Variants in LRRIQ1 observed in about 807,000 individuals in gnomAD.
LRRIQ1 encodes leucine-rich repeat- and IQ domain-containing protein 1.
LRRIQ1 carries 210 observed loss-of-function variants against 211.9 expected under a neutral mutation model. The ratio of observed to expected loss-of-function variants is 0.99; its 90% CI spans 0.89 to 1.11. The LOEUF (loss-of-function observed/expected upper bound fraction) is 1.11. Ranked by LOEUF, LRRIQ1 falls within the 50% of genes most tolerant of loss-of-function variation. LRRIQ1 has a pLI of 0.00. For synonymous variants in LRRIQ1, 699 were observed against 650.1 expected (o/e 1.08, Z -1.14); for missense variants, 2,136 against 1,939.5 (o/e 1.10, Z -1.90).
At position 85,098,537 on chromosome 12, in the gene LRRIQ1, T is replaced by A; in HGVS notation, c.3070T>A (p.Tyr1024Asn). 3 of 1,607,304 alleles carry A rather than the reference T, an allele frequency of 1.9e-6. No homozygotes were observed. Among genetic ancestry groups the A allele is most frequent in the Non-Finnish European group, 8.5e-7 (1 of 1,176,974 alleles). ...LLQILKLQGN[Y>N]LSELPSLENL... ...CCAAATATTGAAGTTACAGGGAAAT[T>A]ATCTGAGTGAGGTAATTGCTTTGAA... Residue 1024 changes from tyrosine to asparagine, a missense_variant, in exon 12 of 27, where the codon TAT (tyrosine) becomes AAT (asparagine). Coordinates refer to ENST00000393217, the MANE Select transcript of LRRIQ1 (RefSeq NM_001079910.2).
intron 26 of LRRIQ1, chr12:85,233,074 A>C (rs1418871728): frequency 4.1e-6 from 1 of 244,384 alleles, no homozygotes; most frequent in Non-Finnish European, 7.8e-6. Flanking sequence ...TAGAATTTGT[A>C]GGCTATAACT....
chr12:85,269,860 T>C, the LRRIQ1 span, among the ~76,000 whole-genome samples: 5 of 152,058 alleles, frequency 3.3e-5, no homozygotes, highest in Non-Finnish European at 7.4e-5. Context: ...ATAACAAATA[T>C]TTATTTTTCA....
intron 14 of LRRIQ1, among the ~76,000 whole-genome samples, chr12:85,105,451 C>T (rs1041360075): frequency 2.0e-5 from 3 of 151,344 alleles, no homozygotes; most frequent in African/African-American, 7.3e-5. Flanking sequence ...CTTTTTTTTT[C>T]ATAATCGAAT....
In LRRIQ1 at chr12:85,083,086, T is replaced by A. The variant is rs114965919; in HGVS notation, c.2887+9988T>A. On this transcript the variant is annotated intron_variant, in intron 11 of 26. Coordinates refer to ENST00000393217, the MANE Select transcript of LRRIQ1 (RefSeq NM_001079910.2). Reference sequence around the variant, plus strand: ...AGATTCGGGATAAGAGATTTAACTTTCAGCAATGTATAGCTGATTGATGTT... The same window carrying A: ...AGATTCGGGATAAGAGATTTAACTTACAGCAATGTATAGCTGATTGATGTT... 4.1e-3 allele frequency among the ~76,000 whole-genome samples: 625 copies of A among 152,322 alleles called. 6 individuals are homozygous for A. The highest frequency in any genetic ancestry group is 0.014 in the African/African-American group (597 of 41,588).
At position 85,055,982 on chromosome 12, in the gene LRRIQ1, A is replaced by G. The variant is rs772495834; in HGVS notation, c.1189A>G (p.Ser397Gly). Reference protein sequence around the residue: ...REDASQQLIISSALKKSGYNN... With the variant: ...REDASQQLIIGSALKKSGYNN... Reference sequence around the variant, plus strand: ...AGATGCAAGCCAACAGCTAATAATAAGTAGTGCATTAAAGAAGAGCGGATA... The same window carrying G: ...AGATGCAAGCCAACAGCTAATAATAGGTAGTGCATTAAAGAAGAGCGGATA... The change falls in exon 8 of 27, where the codon AGT becomes GGT. Residue 397 changes from serine (S) to glycine (G), a missense_variant. Transcript: ENST00000393217. 1.9e-6 allele frequency: 3 copies of G among 1,609,654 alleles called. No individual in the cohort carries two copies. The highest frequency in any genetic ancestry group is 2.5e-6 in the Non-Finnish European group (3 of 1,177,964).
chr12:85,124,333 A>C lies in LRRIQ1; in HGVS notation c.3821A>C (p.His1274Pro). The change falls in exon 17 of 27, where the codon CAC becomes CCC. Residue 1274 changes from histidine to proline, a missense_variant. Physicochemically the swap from His to Pro is moderately conservative, Grantham distance 77. Transcript: ENST00000393217. ...AAATGGATGGACTCTGTCTCCAGCCACTCCCCATTAAGCAAATCCGCCACA... is the reference window on the plus strand; with the variant it reads ...AAATGGATGGACTCTGTCTCCAGCCCCTCCCCATTAAGCAAATCCGCCACA... Reference protein sequence around the residue: ...PEKWMDSVSSHSPLSKSATCE... With the variant: ...PEKWMDSVSSPSPLSKSATCE... 6.2e-7 allele frequency: 1 copy of C among 1,614,018 alleles called. No homozygotes were observed. The highest frequency in any genetic ancestry group is 8.5e-7 in the Non-Finnish European group (1 of 1,180,022).
chr12:85,243,470 A>T (rs1215581748), intron 26 of LRRIQ1, among the ~76,000 whole-genome samples: 1 of 150,566 alleles, frequency 6.6e-6, no homozygotes. Flanking sequence ...TCATTATATT[A>T]CTTAGCCAGT....
rs766287962 is a variant in LRRIQ1, at chr12:85,244,794, A to C, written c.5022A>C (p.Arg1674Ser). Residue 1674 changes from arginine to serine, a missense_variant, in exon 27 of 27, where the codon AGA (arginine) becomes AGC (serine). Transcript: ENST00000393217. ...TTCTCTTCCATTGCTCCCAGGCAAG[A>C]CTTGTAAGCAGAGAAGACACGGATT... ...LNGGRVQLVA[R>S]LVSREDTDLD... 6.2e-7 allele frequency: 1 copy of C among 1,611,022 alleles called. No homozygotes were observed. Among genetic ancestry groups the C allele is most frequent in the South Asian group, 1.1e-5 (1 of 90,944 alleles).
chr12:85,200,828 C>CT (rs771974819), intron 24 of LRRIQ1, among the ~76,000 whole-genome samples: 202 of 148,958 alleles, frequency 1.4e-3, no homozygotes, highest in Non-Finnish European at 1.5e-3. Context: ...ATTTTTTTTT[C>CT]TTTTTTTTTG....
In LRRIQ1 at chr12:85,056,663, G is replaced by A. The variant is rs765950141; in HGVS notation, c.1870G>A (p.Val624Ile). 1.1e-5 allele frequency: 17 copies of A among 1,602,742 alleles called. No individual in the cohort carries two copies. Among genetic ancestry groups the A allele is most frequent in the Non-Finnish European group, 1.4e-5 (17 of 1,175,424 alleles). ...ACTAACATCAGAAAATTCCAAAGAT[G>A]TAAGAGAAAACGTAATATTACAAGA... The part of the protein sequence containing the change: ...LSLTSENSKD[V>I]RENVILQEKE... The change falls in exon 8 of 27, where the codon GTA (valine) becomes ATA (isoleucine). Residue 624 changes from valine to isoleucine, a missense_variant. By Grantham distance (29) the Val-to-Ile change is conservative (BLOSUM62 3). Coordinates refer to ENST00000393217, the MANE Select transcript of LRRIQ1 (RefSeq NM_001079910.2).
At chr12:85,062,929 T>C (rs1369840208) in intron 8 of LRRIQ1, among the ~76,000 whole-genome samples, 1 of 151,744 alleles carries the variant, frequency 6.6e-6, no homozygotes, top group African/African-American at 2.4e-5. Context: ...TTGTGGTTTT[T>C]ATTTGCATTT....
downstream of LRRIQ1, among the ~76,000 whole-genome samples, chr12:85,247,921 G>C (rs949682605): frequency 6.6e-6 from 1 of 151,524 alleles, no homozygotes; most frequent in Non-Finnish European, 1.5e-5. Context: ...TTACAAAGAG[G>C]CCAAAGCAGT....
intron 24 of LRRIQ1, among the ~76,000 whole-genome samples, chr12:85,178,604 T>G (rs953317254): frequency 6.6e-6 from 1 of 151,996 alleles, no homozygotes; most frequent in Admixed American, 6.6e-5. Flanking sequence ...ATTCTACTTA[T>G]CTTCAGTATT....
At chr12:85,130,876 C>T (rs1888700967) in intron 18 of LRRIQ1, among the ~76,000 whole-genome samples, 1 of 152,020 alleles carries the variant, frequency 6.6e-6, no homozygotes, top group African/African-American at 2.4e-5. Flanking sequence ...GATTTCCAAG[C>T]TTTCCTTGCA....
chr12:85,262,284 C>G (rs1565933619), intron 1 of LRRIQ1, among the ~76,000 whole-genome samples: 1 of 152,092 alleles, frequency 6.6e-6, no homozygotes, highest in South Asian at 2.1e-4. Flanking sequence ...CCACTTACAA[C>G]ATAATCAGAA....
At chr12:85,090,127 T>G (rs1885229911) in intron 11 of LRRIQ1, among the ~76,000 whole-genome samples, 1 of 152,210 alleles carries the variant, frequency 6.6e-6, no homozygotes, top group African/African-American at 2.4e-5. Flanking sequence ...TCATAAGCCT[T>G]GGCATCTTCC....
At position 85,245,048 on chromosome 12, in the gene LRRIQ1, TTC is replaced by T. The variant is rs1232714578; in HGVS notation, c.*109_*110del. ...GCCCAAAAATGTGTATTTAAATTTT[TTC>T]TTTCTTTAAATATCCTCTTTTGATA... On this transcript the variant is annotated 3_prime_UTR_variant, in exon 27 of 27. Coordinates refer to ENST00000393217, the MANE Select transcript of LRRIQ1 (RefSeq NM_001079910.2). 1.4e-6 allele frequency: 2 copies of T among 1,415,162 alleles called. No homozygotes were observed. The highest frequency in any genetic ancestry group is 1.5e-5 in the African/African-American group (1 of 67,978). 87.7% of individuals were successfully genotyped at this position (1,415,162 alleles called of 1,614,324 possible).
chr12:85,221,858 G>C (rs890465938), intron 24 of LRRIQ1, among the ~76,000 whole-genome samples: 1 of 152,156 alleles, frequency 6.6e-6, no homozygotes, highest in African/African-American at 2.4e-5. Context: ...GGCACAATTA[G>C]ATTTGTACTT....
chr12:85,198,770 A>G (rs1025101157), intron 24 of LRRIQ1, among the ~76,000 whole-genome samples: 5 of 152,028 alleles, frequency 3.3e-5, no homozygotes, highest in Non-Finnish European at 7.4e-5. Flanking sequence ...GGGTTCCACC[A>G]TGTTAGCCAG....
Sources: gnomAD v4.1 joint callset for allele counts (sites outside exome capture counted in the v4.1 genomes callset) on GRCh38, gnomAD v4.1.1 for gene constraint, MANE v1.5 for transcripts, NCBI Gene and HGNC (gene_info 2026-07-23, HGNC 2026-07-21) for gene names.